MCCC1: variants seen among roughly 807,000 people sequenced by gnomAD.
The protein encoded by MCCC1 is methylcrotonyl-CoA carboxylase subunit 1, also known as methylcrotonoyl-CoA carboxylase subunit alpha, mitochondrial.
Under a neutral mutation model 83.8 loss-of-function variants are expected in MCCC1, and 64 were observed. The observed-to-expected ratio is 0.76, with a 90% CI of 0.62 to 0.94. The LOEUF is 0.94. MCCC1 is among the 40% of genes least tolerant of loss of function. MCCC1 has a pLI of 0.00. For synonymous variants in MCCC1, 322 were observed against 315.4 expected (o/e 1.02, Z -0.22); for missense variants, 807 against 904.7 (o/e 0.89, Z 1.39).
chr3:183,080,990 T>C (rs766709295), intron 4 of MCCC1, among the ~76,000 whole-genome samples: 1 of 152,184 alleles, frequency 6.6e-6, no homozygotes, highest in Non-Finnish European at 1.5e-5. Flanking sequence ...ACGTGGGAAT[T>C]GTAGGAGTTG....
At position 183,071,272 on chromosome 3, in the gene MCCC1, C is replaced by T; in HGVS notation, c.577G>A (p.Glu193Lys). ...GEDQSDQCLK[E>K]HARRIGYPVM... ...GGATAGCCAATTCTCCTGGCGTGTT[C>T]CTTCAGGCACTGGTCTGATTGGTCC... is the stretch of plus-strand genomic sequence containing the variant. Residue 193 changes from glutamate (E) to lysine (K), a missense_variant, in exon 6 of 19, where the codon GAA (glutamate) becomes AAA (lysine). By Grantham distance (56) the Glu-to-Lys change is moderately conservative (BLOSUM62 1). Coordinates refer to ENST00000265594, the MANE Select transcript of MCCC1 (RefSeq NM_020166.5). 1.2e-6 allele frequency: 2 copies of T among 1,614,208 alleles called. No homozygotes were observed. Among genetic ancestry groups the T allele is most frequent in the Non-Finnish European group, 1.7e-6 (2 of 1,180,034 alleles).
At chr3:183,095,940 C>T (rs548328127) in intron 1 of MCCC1, among the ~76,000 whole-genome samples, 3 of 152,244 alleles carry the variant, frequency 2.0e-5, no homozygotes, top group South Asian at 2.1e-4. Context: ...TTTTAAGTTT[C>T]GTGATACCTG....
chr3:183,091,541 C>T (rs191402362), intron 3 of MCCC1, among the ~76,000 whole-genome samples: 1,534 of 152,180 alleles, frequency 0.01, 96 homozygotes, highest in Admixed American at 0.093. Context: ...ACACTCCAGC[C>T]TGGGCAACAG....
At chr3:183,114,695 G>C (rs1248086751) in intron 1 of MCCC1, among the ~76,000 whole-genome samples, 2 of 152,188 alleles carry the variant, frequency 1.3e-5, no homozygotes, top group Non-Finnish European at 2.9e-5. Flanking sequence ...TAGAGAGCAA[G>C]CCACTTATTC....
intron 14 of MCCC1, among the ~76,000 whole-genome samples, chr3:183,027,962 AAC>A (rs1712746381): frequency 6.6e-6 from 1 of 152,246 alleles, no homozygotes; most frequent in Non-Finnish European, 1.5e-5. Flanking sequence ...TACAAAAAAC[AAC>A]AGACATTTAA....
chr3:183,059,560 G>A (rs901639491), intron 7 of MCCC1, among the ~76,000 whole-genome samples: 4 of 152,072 alleles, frequency 2.6e-5, no homozygotes, highest in Admixed American at 6.5e-5. Flanking sequence ...CCTATGTTAG[G>A]ATAGGAAAAT....
At chr3:183,101,435 T>G (rs1185373412), upstream of MCCC1, among the ~76,000 whole-genome samples, 1 of 152,074 alleles carries the variant, frequency 6.6e-6, no homozygotes, top group Non-Finnish European at 1.5e-5. Flanking sequence ...CAGCACCCTG[T>G]GTTTAGCTCA....
At chr3:183,102,402 C>G (rs1430848000), upstream of MCCC1, among the ~76,000 whole-genome samples, 1 of 151,986 alleles carries the variant, frequency 6.6e-6, no homozygotes, top group Admixed American at 6.6e-5. Context: ...TATCCTGTAG[C>G]ATGTGAAAAG....
intron 9 of MCCC1, among the ~76,000 whole-genome samples, chr3:183,045,744 A>T (rs1445716820): frequency 3.3e-5 from 5 of 152,146 alleles, no homozygotes; most frequent in African/African-American, 1.2e-4. Context: ...GGCAACGGAA[A>T]AGTATATTTG....
intron 9 of MCCC1, among the ~76,000 whole-genome samples, chr3:183,049,343 G>C (rs117259257): frequency 6.6e-6 from 1 of 151,900 alleles, no homozygotes; most frequent in African/African-American, 2.4e-5. Context: ...TGGCCACAGC[G>C]GGCAGCTCAA....
chr3:183,112,794 G>A (rs538986259), intron 1 of MCCC1, among the ~76,000 whole-genome samples: 2 of 152,020 alleles, frequency 1.3e-5, no homozygotes, highest in Non-Finnish European at 2.9e-5. Context: ...TCCTTTGAAG[G>A]CTGGGCGCAT....
chr3:183,063,322 T>G (rs1046500439), intron 7 of MCCC1, among the ~76,000 whole-genome samples: 2 of 129,722 alleles, frequency 1.5e-5, no homozygotes, highest in Non-Finnish European at 3.3e-5. Context: ...GTATTATATA[T>G]GAACTGAGGA....
chr3:183,101,812 C>G (rs1378037181), upstream of MCCC1, among the ~76,000 whole-genome samples: 1 of 152,280 alleles, frequency 6.6e-6, no homozygotes, highest in South Asian at 2.1e-4. Context: ...ACACTTATCA[C>G]GAAGATCTGC....
In MCCC1 at chr3:183,064,194, A is replaced by G. The variant is rs1209450084; in HGVS notation, c.762-6772T>C. ...GTCGGTGATAGGATTAGGCATGTACAGGATGGTGGGACATGGGGAGCTTTT... is the reference window on the plus strand; with the variant it reads ...GTCGGTGATAGGATTAGGCATGTACGGGATGGTGGGACATGGGGAGCTTTT... On this transcript the variant is annotated intron_variant, in intron 7 of 18. Coordinates refer to ENST00000265594, the MANE Select transcript of MCCC1 (RefSeq NM_020166.5). The surrounding 1 kb of genome is among the most constrained non-coding windows in gnomAD (Gnocchi z 4.5). 1.3e-5 allele frequency among the ~76,000 whole-genome samples: 2 copies of G among 151,828 alleles called. No homozygotes were observed. The highest frequency in any genetic ancestry group is 4.8e-5 in the African/African-American group (2 of 41,402).
chr3:183,036,771 C>T (rs1012719840), intron 13 of MCCC1, among the ~76,000 whole-genome samples: 5 of 152,026 alleles, frequency 3.3e-5, no homozygotes, highest in South Asian at 4.1e-4. Flanking sequence ...GATCTCCTGA[C>T]ATCATGATCC....
chr3:183,020,887 A>G (rs560118379), intron 16 of MCCC1, among the ~76,000 whole-genome samples: 38 of 152,084 alleles, frequency 2.5e-4, no homozygotes, highest in South Asian at 6.2e-4. Context: ...GTGAAACCCC[A>G]TCTCTACTAA....
At chr3:183,068,854 G>C (rs1405663901) in intron 7 of MCCC1, among the ~76,000 whole-genome samples, 1 of 152,192 alleles carries the variant, frequency 6.6e-6, no homozygotes, top group African/African-American at 2.4e-5. Flanking sequence ...CGTTTGTACA[G>C]GTTTGTAGCT....
intron 1 of MCCC1, 54 bp from the exon 2 acceptor site, chr3:183,094,659 G>C: frequency 6.5e-7 from 1 of 1,545,064 alleles, no homozygotes; most frequent in East Asian, 2.2e-5. Flanking sequence ...CAACACAATT[G>C]TTCTTTCAAA....
chr3:183,062,266 A>G (rs1018342327), intron 7 of MCCC1, among the ~76,000 whole-genome samples: 20 of 152,010 alleles, frequency 1.3e-4, no homozygotes, highest in Admixed American at 8.5e-4. Flanking sequence ...GAAACACTAC[A>G]GCAGGGATTC....
Sources: allele counts gnomAD v4.1 joint callset (sites outside exome capture counted in the v4.1 genomes callset), GRCh38; gene constraint gnomAD v4.1.1; non-coding constraint Gnocchi (gnomAD v3.1); transcripts MANE v1.5; gene names NCBI Gene and HGNC (gene_info 2026-07-23, HGNC 2026-07-21).